The following ERC1 variants were observed in gnomAD, a reference collection of about 807,000 sequenced individuals.
ERC1 encodes the protein RAB6 interacting protein 2.
In ERC1, 56 loss-of-function variants were observed where a neutral mutation model predicts 132.0. That is an observed-to-expected ratio of 0.42 (90% CI 0.34 to 0.53). ERC1 has a LOEUF of 0.53. ERC1 is among the 20% of genes least tolerant of loss of function. ERC1 has a pLI of 0.03. For synonymous variants in ERC1, 478 were observed against 476.1 expected, an observed-to-expected ratio of 1.00 and a Z score of -0.05; for missense variants, 1,202 against 1,349.9, an observed-to-expected ratio of 0.89 and a Z score of 1.72.
chr12:1,143,752 T>C (rs1054020569), intron 8 of ERC1, among the ~76,000 whole-genome samples: 1 of 152,080 alleles, frequency 6.6e-6, no homozygotes, highest in African/African-American at 2.4e-5. Flanking sequence ...CATGAATTCA[T>C]TTTTTGTTTC....
chr12:1,341,726 G>C (rs1204823492), intron 15 of ERC1, among the ~76,000 whole-genome samples: 1 of 151,940 alleles, frequency 6.6e-6, no homozygotes, highest in Admixed American at 6.6e-5. Flanking sequence ...AGAGTTGATG[G>C]GTGCAGCAAA....
intron 2 of ERC1, among the ~76,000 whole-genome samples, chr12:1,030,028 G>A (rs1364460110): frequency 2.0e-5 from 3 of 152,124 alleles, no homozygotes; most frequent in South Asian, 2.1e-4. Context: ...GATTATAGGC[G>A]CGAGCCACCG....
At position 1,491,273 on chromosome 12, in the gene ERC1, A is replaced by G. The variant is rs2094316144; in HGVS notation, c.*1043A>G. The stretch of plus-strand genomic sequence containing the variant: ...GTGGCTGCTGAAGTTGTGATCCCTC[A>G]CTCACCCTGCTAGCTTTGCCCTTGA... On this transcript the variant is annotated 3_prime_UTR_variant, in exon 19 of 19. Coordinates refer to ENST00000360905, the MANE Select transcript of ERC1 (RefSeq NM_178040.4). 1 of 230,374 alleles carries G rather than the reference A, an allele frequency of 4.3e-6. No homozygotes were observed. Among genetic ancestry groups the G allele is most frequent in the South Asian group, 1.8e-4 (1 of 5,462 alleles). 14.3% of individuals were successfully genotyped at this position (230,374 alleles called of 1,614,324 possible).
intron 15 of ERC1, among the ~76,000 whole-genome samples, chr12:1,310,498 AC>A (rs1254411235): frequency 1.3e-5 from 2 of 152,126 alleles, no homozygotes; most frequent in African/African-American, 4.8e-5. Flanking sequence ...CAGGAGCCAC[AC>A]CGCGCCTGGC....
intron 15 of ERC1, among the ~76,000 whole-genome samples, chr12:1,316,333 C>A (rs1233597946): frequency 6.6e-6 from 1 of 152,100 alleles, no homozygotes; most frequent in Non-Finnish European, 1.5e-5. Flanking sequence ...GTTAACCATG[C>A]CAATTTTTGC....
chr12:1,395,857 G>A lies in ERC1; in HGVS notation c.2926-12292G>A, dbSNP rs185606607. Among the ~76,000 whole-genome samples, 38 of 152,096 alleles carry A rather than the reference G, an allele frequency of 2.5e-4. 1 individual carries two copies. Among genetic ancestry groups the A allele is most frequent in the Admixed American group, 2.4e-3 (37 of 15,286 alleles). On this transcript the variant is annotated intron_variant, in intron 16 of 18. Transcript: ENST00000360905. ...TGGGAAATATGTTGAAAGAACAGATGTCTTGTGAGCTTAATTCCATAAATG... is the reference window on the plus strand; with the variant it reads ...TGGGAAATATGTTGAAAGAACAGATATCTTGTGAGCTTAATTCCATAAATG...
intron 12 of ERC1, among the ~76,000 whole-genome samples, chr12:1,233,470 C>CAAAAAA (rs60542316): frequency 1.5e-4 from 11 of 71,476 alleles, no homozygotes; most frequent in African/African-American, 4.7e-4. Context: ...GACCCTGTCT[C>CAAAAAA]AAAAAAAAAA....
At chr12:1,034,823 G>C (rs1473224247) in intron 2 of ERC1, among the ~76,000 whole-genome samples, 3 of 152,194 alleles carry the variant, frequency 2.0e-5, no homozygotes, top group African/African-American at 4.8e-5. Flanking sequence ...CTAAGTATCA[G>C]TCTGCATTCA....
intron 18 of ERC1, among the ~76,000 whole-genome samples, chr12:1,464,056 G>A (rs2093693953): frequency 2.6e-5 from 4 of 152,090 alleles, no homozygotes; most frequent in Admixed American, 6.5e-5. Flanking sequence ...AGAGGAAATG[G>A]GAGTGTGAGT....
chr12:1,236,991 C>T (rs957413632), intron 13 of ERC1, 87 bp downstream of exon 13: 2 of 1,461,974 alleles, frequency 1.4e-6, no homozygotes, highest in African/African-American at 2.8e-5. Context: ...CTTTATCCTC[C>T]TCTTTTTTCT....
chr12:1,212,135 T>TA (rs1472940899), intron 12 of ERC1, among the ~76,000 whole-genome samples: 1 of 152,184 alleles, frequency 6.6e-6, no homozygotes, highest in Non-Finnish European at 1.5e-5. Flanking sequence ...ATATAAGTCC[T>TA]ATATACTTTG....
chr12:1,211,564 T>G (rs199947963), intron 12 of ERC1, among the ~76,000 whole-genome samples: 2 of 151,666 alleles, frequency 1.3e-5, no homozygotes, highest in Non-Finnish European at 2.9e-5. Flanking sequence ...TCAGAACTTT[T>G]TGTCTTTTTT....
At chr12:1,394,660 CT>C (rs1202319271) in intron 16 of ERC1, among the ~76,000 whole-genome samples, 1 of 152,162 alleles carries the variant, frequency 6.6e-6, no homozygotes, top group Non-Finnish European at 1.5e-5. Context: ...TACTTCCCCC[CT>C]CACCTGTGCT....
chr12:1,441,063 A>ATTT, intron 17 of ERC1, among the ~76,000 whole-genome samples: 1 of 145,558 alleles, frequency 6.9e-6, no homozygotes, highest in Non-Finnish European at 1.5e-5. Context: ...CTGTTTGAAA[A>ATTT]TTTTTTTTTT....
intron 15 of ERC1, among the ~76,000 whole-genome samples, chr12:1,348,586 G>A (rs1008963526): frequency 3.9e-5 from 6 of 151,960 alleles, no homozygotes; most frequent in African/African-American, 1.5e-4. Context: ...CCAATTACTC[G>A]GGAGGCTGAG....
rs200785386 is a variant in ERC1 at position 1,121,743 on chromosome 12, C to CTG, written c.1569+5711_1569+5712insGT. ...TCTCTATCTCTATCTCTATCTCTAT[C>CTG]TATCTCTATCTCTATCTCTATCTAT... On this transcript the variant is annotated intron_variant, in intron 7 of 18. Coordinates refer to ENST00000360905, the MANE Select transcript of ERC1 (RefSeq NM_178040.4). 1.8e-3 allele frequency among the ~76,000 whole-genome samples: 10 copies of CTG among 5,624 alleles called. 5 individuals are homozygous for CTG. In the East Asian group the frequency reaches 0.33, roughly 187 times the overall value. 3.7% of individuals were successfully genotyped at this position (5,624 alleles called of 152,430 possible). A position where few individuals can be genotyped will look rare whatever the true frequency, so the allele number is the denominator to read the frequency against.
At chr12:1,030,005 C>T (rs1967705337) in intron 2 of ERC1, among the ~76,000 whole-genome samples, 2 of 152,124 alleles carry the variant, frequency 1.3e-5, no homozygotes, top group Non-Finnish European at 2.9e-5. Context: ...GCCTTGGCCT[C>T]CCGAAGTGCT....
intron 16 of ERC1, among the ~76,000 whole-genome samples, chr12:1,399,928 T>C (rs2090877914): frequency 6.6e-6 from 1 of 152,230 alleles, no homozygotes; most frequent in African/African-American, 2.4e-5. Context: ...CTAAGTCATA[T>C]GGTAATTGTA....
intron 12 of ERC1, among the ~76,000 whole-genome samples, chr12:1,230,296 G>A (rs1015270997): frequency 7.2e-5 from 11 of 152,118 alleles, no homozygotes; most frequent in Non-Finnish European, 1.3e-4. Flanking sequence ...ACCGCGCTTG[G>A]CCTGACTTTT....
Sources: gnomAD v4.1 joint callset for allele counts (sites outside exome capture counted in the v4.1 genomes callset) on GRCh38, gnomAD v4.1.1 for gene constraint, MANE v1.5 for transcripts, NCBI Gene and HGNC (gene_info 2026-07-23, HGNC 2026-07-21) for gene names.